ST6GAL2: variants seen among roughly 807,000 people sequenced by gnomAD.
The protein encoded by ST6GAL2 is beta-galactoside alpha-2,6-sialyltransferase 2.
Under a neutral mutation model 37.5 loss-of-function variants are expected in ST6GAL2, and 24 were observed. The ratio of observed to expected loss-of-function variants is 0.64; its 90% CI spans 0.46 to 0.90. The LOEUF is 0.90. Ranked by LOEUF, ST6GAL2 falls within the 40% of genes least tolerant of loss-of-function variation. The pLI, the probability that ST6GAL2 is intolerant of heterozygous loss-of-function variation, is 0.00. For synonymous variants in ST6GAL2, 306 were observed against 295.1 expected (o/e 1.04, Z -0.38); for missense variants, 715 against 712.7 (o/e 1.00, Z -0.04).
intron 2 of ST6GAL2, chr2:106,834,373 T>C: frequency 2.1e-6 from 1 of 465,572 alleles, no homozygotes; most frequent in Non-Finnish European, 3.8e-6. Context: ...TGTTCAATTA[T>C]GGGCGAGACT....
intron 5 of ST6GAL2, among the ~76,000 whole-genome samples, chr2:106,813,394 T>C (rs1418745914): frequency 1.3e-5 from 2 of 152,202 alleles, no homozygotes; most frequent in Non-Finnish European, 2.9e-5. Flanking sequence ...TGTCATGTTA[T>C]ATGATTCAGC....
At chr2:106,862,090 A>G (rs989886484) in intron 1 of ST6GAL2, among the ~76,000 whole-genome samples, 11 of 152,220 alleles carry the variant, frequency 7.2e-5, no homozygotes, top group African/African-American at 2.7e-4. Context: ...TATTCACTCA[A>G]CAAACATCTC....
At chr2:106,821,368 T>C (rs1675997297) in intron 5 of ST6GAL2, among the ~76,000 whole-genome samples, 1 of 150,696 alleles carries the variant, frequency 6.6e-6, no homozygotes, top group Non-Finnish European at 1.5e-5. Context: ...ACTATAATAG[T>C]ATATATTAAA....
At chr2:106,818,138 G>A (rs1165235941) in intron 5 of ST6GAL2, among the ~76,000 whole-genome samples, 1 of 152,178 alleles carries the variant, frequency 6.6e-6, no homozygotes, top group Non-Finnish European at 1.5e-5. Context: ...TGGGGCCAGG[G>A]GGAACTCACT....
chr2:106,823,995 A>AT (rs1676107958), intron 5 of ST6GAL2, among the ~76,000 whole-genome samples: 1 of 152,146 alleles, frequency 6.6e-6, no homozygotes, highest in African/African-American at 2.4e-5. Context: ...CAACATACAA[A>AT]TTTTACAGGG....
intron 2 of ST6GAL2, among the ~76,000 whole-genome samples, chr2:106,840,648 G>C (rs2104507057): frequency 6.6e-6 from 1 of 152,264 alleles, no homozygotes; most frequent in African/African-American, 2.4e-5. Flanking sequence ...ATTAGATTTG[G>C]ATACTAGAAA....
Position 106,828,994 on chromosome 2 carries a change from C to T in ST6GAL2, c.1318+1072G>A, listed in dbSNP as rs115079624. ...AAACCCATCTGTAGATGAAAGATGGCATACTCTTCGGTTAAGAGAGCTAAA... is the reference window on the plus strand; with the variant it reads ...AAACCCATCTGTAGATGAAAGATGGTATACTCTTCGGTTAAGAGAGCTAAA... On this transcript the variant is annotated intron_variant, in intron 5 of 5. Coordinates refer to ENST00000409382, the MANE Select transcript of ST6GAL2 (RefSeq NM_001142351.2). Among the ~76,000 whole-genome samples, 932 of 152,246 alleles carry T rather than the reference C, an allele frequency of 6.1e-3. 10 individuals carry two copies. Among genetic ancestry groups the T allele is most frequent in the African/African-American group, 0.021 (855 of 41,538 alleles).
At chr2:106,865,194 T>C (rs1443588457) in intron 1 of ST6GAL2, among the ~76,000 whole-genome samples, 1 of 152,166 alleles carries the variant, frequency 6.6e-6, no homozygotes, top group East Asian at 1.9e-4. Flanking sequence ...GTATTTGCCA[T>C]CTTTGCTTTT....
intron 1 of ST6GAL2, among the ~76,000 whole-genome samples, chr2:106,866,116 G>C (rs147824076): frequency 7.1e-4 from 108 of 152,292 alleles, no homozygotes; most frequent in African/African-American, 2.6e-3. Context: ...CATTTAAACA[G>C]AAGAACAACC....
chr2:106,843,479 G>T lies in ST6GAL2; in HGVS notation c.499C>A (p.Gln167Lys). Residue 167 changes from glutamine to lysine, a missense_variant, in exon 2 of 6, where the codon CAG becomes AAG. Coordinates refer to ENST00000409382, the MANE Select transcript of ST6GAL2 (RefSeq NM_001142351.2). ...TTCTTCACCCGCCTCCTCTGGACCT[G>T]TGCAGCCGGAAAAGCCCCCTCCCGT... is the stretch of plus-strand genomic sequence containing the variant. ...GPREGAFPAA[Q>K]VQRRRVKKRH... is the part of the protein sequence containing the mutation. 1 of 1,614,018 alleles carries T rather than the reference G, an allele frequency of 6.2e-7. No individual in the cohort carries two copies. The highest frequency in any genetic ancestry group is 8.5e-7 in the Non-Finnish European group (1 of 1,180,002).
In ST6GAL2 at chr2:106,861,696, T is replaced by A. The variant is rs79938718; in HGVS notation, c.-57-17662A>T. Reference sequence around the variant, plus strand: ...CCAGGCTGGAGTGCAGTGGCCGTGATCTCGGCTAACTTCAACCTGTGTCTC... The same window carrying A: ...CCAGGCTGGAGTGCAGTGGCCGTGAACTCGGCTAACTTCAACCTGTGTCTC... On this transcript the variant is annotated intron_variant, in intron 1 of 5. Coordinates refer to ENST00000409382, the MANE Select transcript of ST6GAL2 (RefSeq NM_001142351.2). Among the ~76,000 whole-genome samples, 820 of 152,010 alleles carry A rather than the reference T, an allele frequency of 5.4e-3. 11 individuals are homozygous for A. The highest frequency in any genetic ancestry group is 0.019 in the African/African-American group (785 of 41,428).
chr2:106,808,416 G>A (rs565604702), intron 5 of ST6GAL2, among the ~76,000 whole-genome samples: 3 of 152,326 alleles, frequency 2.0e-5, no homozygotes, highest in South Asian at 4.1e-4. Flanking sequence ...AGGGGATTAT[G>A]CACTTCAAAT....
chr2:106,843,126 G>A lies in ST6GAL2; in HGVS notation c.852C>T (p.Pro284=). The A allele has an allele frequency of 1.3e-6, 2 of 1,565,578 alleles. No homozygotes were observed. The highest frequency in any genetic ancestry group is 1.7e-6 in the Non-Finnish European group (2 of 1,159,236). ...GGCCGCGGGGGTGCAGCTGGCTCAG[G>A]GGCACGGCGGGCACCAGGCGCCGCC... The part of the protein sequence containing the change: ...LGWRRLVPAV[P]LSQLHPRGLR... The change falls in exon 2 of 6, where the codon CCC becomes CCT. Residue 284 remains proline (P), a synonymous_variant. Coordinates refer to ENST00000409382, the MANE Select transcript of ST6GAL2 (RefSeq NM_001142351.2).
intron 5 of ST6GAL2, among the ~76,000 whole-genome samples, chr2:106,814,517 G>T (rs1398914459): frequency 3.3e-5 from 5 of 151,982 alleles, no homozygotes; most frequent in African/African-American, 1.2e-4. Flanking sequence ...CAAGGTGGGG[G>T]TGTTGCTGGC....
intron 5 of ST6GAL2, among the ~76,000 whole-genome samples, chr2:106,818,042 G>A (rs1211176737): frequency 6.6e-6 from 1 of 152,154 alleles, no homozygotes. Flanking sequence ...TGGGTGCCAG[G>A]TCAGCTGCAC....
intron 2 of ST6GAL2, 106 bp from the exon 3 acceptor site, chr2:106,834,252 C>T: frequency 1.4e-6 from 1 of 737,360 alleles, no homozygotes; most frequent in South Asian, 1.6e-5. Context: ...AATTATACAT[C>T]ACCAATAAAG....
At chr2:106,848,356 T>A (rs551840688) in intron 1 of ST6GAL2, among the ~76,000 whole-genome samples, 22 of 152,248 alleles carry the variant, frequency 1.4e-4, no homozygotes, top group Non-Finnish European at 3.1e-4. Context: ...AAAGACAGTC[T>A]TTTTGTTTCT....
At chr2:106,820,321 G>A (rs78989140) in intron 5 of ST6GAL2, among the ~76,000 whole-genome samples, 14,863 of 151,918 alleles carry the variant, frequency 0.098, 1,009 homozygotes, top group African/African-American at 0.15. Flanking sequence ...AAAAGCAGGG[G>A]TAGCTACACT....
At chr2:106,838,114 A>G (rs1334095195) in intron 2 of ST6GAL2, among the ~76,000 whole-genome samples, 1 of 152,220 alleles carries the variant, frequency 6.6e-6, no homozygotes. Flanking sequence ...GTGAGAATAG[A>G]AGCTGTCCAT....
Sources: gnomAD v4.1 joint callset for allele counts (sites outside exome capture counted in the v4.1 genomes callset) on GRCh38, gnomAD v4.1.1 for gene constraint, MANE v1.5 for transcripts, NCBI Gene and HGNC (gene_info 2026-07-23, HGNC 2026-07-21) for gene names.